The following PCDH7 variants were observed in gnomAD, a reference collection of about 807,000 sequenced individuals.
The protein encoded by PCDH7 is protocadherin 7.
PCDH7 carries 17 observed loss-of-function variants against 58.9 expected under a neutral mutation model. That is an observed-to-expected ratio of 0.29 (90% CI 0.20 to 0.43). The LOEUF (loss-of-function observed/expected upper bound fraction) is 0.43, where lower values mean the gene tolerates loss of function less well. Ranked by LOEUF, PCDH7 falls within the 20% of genes least tolerant of loss-of-function variation. The probability of loss-of-function intolerance (pLI) is 1.00; values close to 1 mark genes in which losing one functional copy is unlikely to be tolerated. For synonymous variants in PCDH7, 664 were observed against 616.4 expected (o/e 1.08, Z -1.14); for missense variants, 1,274 against 1,441.0 (o/e 0.88, Z 1.88).
chr4:31,011,827 AT>A (rs1753208051), intron 3 of PCDH7, among the ~76,000 whole-genome samples: 1 of 151,950 alleles, frequency 6.6e-6, no homozygotes, highest in Non-Finnish European at 1.5e-5. Context: ...ACTGTAATAT[AT>A]TTTCTTTTTT....
At chr4:30,999,096 G>A (rs1412233636) in intron 3 of PCDH7, among the ~76,000 whole-genome samples, 1 of 152,052 alleles carries the variant, frequency 6.6e-6, no homozygotes, top group Non-Finnish European at 1.5e-5. Context: ...AGGGGTCAGA[G>A]GACCTGAACT....
At chr4:31,135,177 G>A (rs748767082) in intron 3 of PCDH7, among the ~76,000 whole-genome samples, 1 of 152,118 alleles carries the variant, frequency 6.6e-6, no homozygotes, top group Non-Finnish European at 1.5e-5. Context: ...TTAAAATAAT[G>A]TATTGCTAAT....
At position 31,009,725 on chromosome 4, in the gene PCDH7, C is replaced by A. The variant is rs370578684; in HGVS notation, c.*7+59510C>A. Among the ~76,000 whole-genome samples the A allele has an allele frequency of 2.3e-4, 35 of 152,006 alleles. No individual in the cohort carries two copies. The South Asian group carries it at 4.6e-3, about 20-fold the overall frequency. On this transcript the variant is annotated intron_variant, in intron 3 of 3. Transcript: ENST00000509759. ...CAGGAAATTTATTTTGGGCTGACTT[C>A]TCCCAATAACTAGCCATAAGATATT... is the stretch of plus-strand genomic sequence containing the variant.
chr4:30,857,348 G>T (rs949535470), intron 1 of PCDH7, among the ~76,000 whole-genome samples: 14 of 152,134 alleles, frequency 9.2e-5, no homozygotes, highest in African/African-American at 3.4e-4. Flanking sequence ...ACATAGAGAA[G>T]TTAACTCCCC....
At chr4:30,955,558 GAGACAGAGTCTC>G (rs1747771189) in intron 3 of PCDH7, among the ~76,000 whole-genome samples, 1 of 138,928 alleles carries the variant, frequency 7.2e-6, no homozygotes, top group South Asian at 2.3e-4. Flanking sequence ...TTTATTTTTT[GAGACAGAGTCTC>G]AGTCTCTGTC....
chr4:30,723,234 G>A lies in PCDH7; in HGVS notation c.1812G>A (p.Arg604=), dbSNP rs141363155. The A allele has an allele frequency of 3.0e-5, 49 of 1,614,210 alleles. No individual in the cohort carries two copies. In the African/African-American group the frequency reaches 6.1e-4, roughly 20 times the overall value. The change falls in exon 1 of 2, where the codon AGG becomes AGA. Residue 604 remains arginine, a synonymous_variant. Transcript: ENST00000361762. The surrounding 1 kb of genome is among the most constrained non-coding windows in gnomAD (Gnocchi z 4.6). ...TGCTGGACCGCGAGCAGACTGACAG[G>A]TATGAGTTTAAAGTTAACGCCAAAG...
intron 1 of PCDH7, among the ~76,000 whole-genome samples, chr4:30,749,054 G>A (rs569139755): frequency 6.6e-6 from 1 of 152,282 alleles, no homozygotes; most frequent in African/African-American, 2.4e-5. Context: ...GATATGTTAT[G>A]AATTGGAGAA....
At chr4:30,912,037 G>A (rs1360848651) in intron 1 of PCDH7, among the ~76,000 whole-genome samples, 2 of 152,070 alleles carry the variant, frequency 1.3e-5, no homozygotes, top group Non-Finnish European at 2.9e-5. Context: ...CAAGTCAAAG[G>A]AAATATAGTT....
At chr4:30,969,184 G>A (rs576297470) in intron 3 of PCDH7, among the ~76,000 whole-genome samples, 2 of 152,214 alleles carry the variant, frequency 1.3e-5, no homozygotes, top group South Asian at 4.1e-4. Flanking sequence ...CATCCTGAAT[G>A]TTCCATGCCC....
chr4:30,917,674 AT>A (rs1281899931), intron 1 of PCDH7, among the ~76,000 whole-genome samples: 1 of 152,076 alleles, frequency 6.6e-6, no homozygotes, highest in Non-Finnish European at 1.5e-5. Context: ...AGAGATTAAA[AT>A]ATGCACAGTC....
At chr4:31,079,107 GATCAC>G (rs1335531460) in intron 3 of PCDH7, among the ~76,000 whole-genome samples, 1 of 151,250 alleles carries the variant, frequency 6.6e-6, no homozygotes, top group African/African-American at 2.4e-5. Flanking sequence ...ACATTTAGAA[GATCAC>G]ATAGGAAAAC....
chr4:31,133,685 G>T (rs141407193), intron 3 of PCDH7, among the ~76,000 whole-genome samples: 1 of 152,088 alleles, frequency 6.6e-6, no homozygotes, highest in Non-Finnish European at 1.5e-5. Context: ...TAAATTGATC[G>T]CTCCTAAGCA....
intron 3 of PCDH7, among the ~76,000 whole-genome samples, chr4:31,115,478 G>A (rs961843010): frequency 2.6e-5 from 4 of 151,722 alleles, no homozygotes; most frequent in South Asian, 2.1e-4. Context: ...TTTATTTTCC[G>A]CTCATTCTTT....
intron 3 of PCDH7, among the ~76,000 whole-genome samples, chr4:31,094,016 A>G (rs1427148127): frequency 6.6e-6 from 1 of 152,142 alleles, no homozygotes. Flanking sequence ...TCAAGGCTCT[A>G]TCACTGTCTT....
intron 3 of PCDH7, among the ~76,000 whole-genome samples, chr4:31,092,933 A>G (rs1713447050): frequency 6.6e-6 from 1 of 152,050 alleles, no homozygotes. Flanking sequence ...TTTTGTCTTT[A>G]TATAGACGAA....
chr4:31,115,692 G>A (rs568443278), intron 3 of PCDH7, among the ~76,000 whole-genome samples: 136 of 152,110 alleles, frequency 8.9e-4, no homozygotes, highest in Non-Finnish European at 1.3e-3. Context: ...TAGAAAATAC[G>A]TATTCTGTGC....
chr4:30,954,547 C>A (rs1167331086), intron 3 of PCDH7, among the ~76,000 whole-genome samples: 1 of 152,110 alleles, frequency 6.6e-6, no homozygotes, highest in African/African-American at 2.4e-5. Flanking sequence ...AGGCCATATT[C>A]TTAAAACAAC....
At chr4:31,128,667 A>G (rs927432889) in intron 3 of PCDH7, among the ~76,000 whole-genome samples, 4 of 152,166 alleles carry the variant, frequency 2.6e-5, no homozygotes, top group South Asian at 4.1e-4. Context: ...GTTCATGTGT[A>G]TTTCCTTGTG....
At chr4:31,002,425 C>T (rs573254311) in intron 3 of PCDH7, among the ~76,000 whole-genome samples, 11 of 152,254 alleles carry the variant, frequency 7.2e-5, no homozygotes, top group African/African-American at 2.2e-4. Context: ...TTAATGTAGA[C>T]CAGTTTTTAA....
Sources: gnomAD v4.1 joint callset for allele counts (sites outside exome capture counted in the v4.1 genomes callset) on GRCh38, gnomAD v4.1.1 for gene constraint, Gnocchi (gnomAD v3.1) non-coding constraint, MANE v1.5 for transcripts, NCBI Gene and HGNC (gene_info 2026-07-23, HGNC 2026-07-21) for gene names.